The following PCCA variants were observed in gnomAD, a reference collection of about 807,000 sequenced individuals.
The protein encoded by PCCA is propionyl-CoA carboxylase alpha chain, mitochondrial.
In PCCA, 74 loss-of-function variants were observed where a neutral mutation model predicts 101.3. That is an observed-to-expected ratio of 0.73 (90% CI 0.61 to 0.89). The LOEUF is 0.89. Among genes scored for constraint, PCCA ranks in the 40% least tolerant of loss-of-function variants. PCCA has a pLI of 0.00. For synonymous variants in PCCA, 294 were observed against 313.6 expected (o/e 0.94, Z 0.66); for missense variants, 891 against 907.0 (o/e 0.98, Z 0.23).
At chr13:100,313,871 A>T (rs938090594) in intron 16 of PCCA, among the ~76,000 whole-genome samples, 2 of 152,140 alleles carry the variant, frequency 1.3e-5, no homozygotes, top group African/African-American at 4.8e-5. Context: ...CACCCAAGGA[A>T]AATTGACAGC....
chr13:100,389,252 T>G (rs1224214995), intron 19 of PCCA, among the ~76,000 whole-genome samples: 1 of 151,894 alleles, frequency 6.6e-6, no homozygotes, highest in Non-Finnish European at 1.5e-5. Context: ...CACAGGAGGT[T>G]TGGGGGAGGG....
At chr13:100,240,278 A>T (rs1010821509) in intron 8 of PCCA, among the ~76,000 whole-genome samples, 1 of 151,916 alleles carries the variant, frequency 6.6e-6, no homozygotes, top group African/African-American at 2.4e-5. Flanking sequence ...TTTTCTCTCC[A>T]GTCTTATTGT....
intron 19 of PCCA, among the ~76,000 whole-genome samples, chr13:100,413,690 A>G (rs1016677270): frequency 6.6e-6 from 1 of 152,194 alleles, no homozygotes; most frequent in East Asian, 1.9e-4. Context: ...CATTTTACAT[A>G]TGAGAAAATG....
At chr13:100,260,751 T>A (rs1467020795) in intron 9 of PCCA, among the ~76,000 whole-genome samples, 3 of 152,138 alleles carry the variant, frequency 2.0e-5, no homozygotes, top group African/African-American at 7.2e-5. Context: ...AATGATATTA[T>A]TTTAAAGTTG....
At chr13:100,245,931 A>G (rs943931740) in intron 8 of PCCA, among the ~76,000 whole-genome samples, 1 of 152,246 alleles carries the variant, frequency 6.6e-6, no homozygotes, top group Admixed American at 6.5e-5. Flanking sequence ...GAATGAAGGA[A>G]ACTGAGCCAA....
chr13:100,184,566 C>T (rs1014002315), intron 6 of PCCA, among the ~76,000 whole-genome samples: 18 of 152,196 alleles, frequency 1.2e-4, no homozygotes, highest in Middle Eastern at 6.8e-3. Flanking sequence ...CTGTAAAGGG[C>T]CAGATAATAA....
Position 100,495,065 on chromosome 13 carries a change from G to A in PCCA, c.1900-20362G>A, listed in dbSNP as rs202168925. Among the ~76,000 whole-genome samples, 7 of 151,878 alleles carry A rather than the reference G, an allele frequency of 4.6e-5. No homozygotes were observed. The East Asian group carries it at 5.8e-4, about 13-fold the overall frequency. On this transcript the variant is annotated intron_variant, in intron 21 of 23. Coordinates refer to ENST00000376285, the MANE Select transcript of PCCA (RefSeq NM_000282.4). ...GGCAGTATTGCCCCCGGGCATATTC[G>A]GCAATGTCTGGAGACATACTTGGTT... is the stretch of plus-strand genomic sequence containing the variant.
rs182839428 is a variant in PCCA, at chr13:100,433,245, G to A, written c.1845+7514G>A. ...ACCATTTTACATTCCCATTAGCAGT[G>A]CACAATAATTTCAGTTTCGTGCCAT... On this transcript the variant is annotated intron_variant, in intron 20 of 23. Coordinates refer to ENST00000376285, the MANE Select transcript of PCCA (RefSeq NM_000282.4). 8.0e-4 allele frequency among the ~76,000 whole-genome samples: 122 copies of A among 152,296 alleles called. 1 individual carries two copies. The highest frequency in any genetic ancestry group is 2.6e-3 in the African/African-American group (108 of 41,562).
intron 21 of PCCA, among the ~76,000 whole-genome samples, chr13:100,462,648 C>A (rs1252595842): frequency 1.3e-5 from 2 of 152,150 alleles, no homozygotes; most frequent in Non-Finnish European, 2.9e-5. Context: ...TCAATAAACA[C>A]AGGGAAAAGA....
intron 1 of PCCA, among the ~76,000 whole-genome samples, chr13:100,092,137 C>T (rs1234845673): frequency 1.3e-5 from 2 of 151,804 alleles, no homozygotes; most frequent in African/African-American, 4.8e-5. Context: ...TTGGCCACCT[C>T]GATCTTCTGA....
intron 2 of PCCA, among the ~76,000 whole-genome samples, chr13:100,105,158 C>G (rs1413242590): frequency 2.0e-5 from 3 of 152,150 alleles, no homozygotes; most frequent in Middle Eastern, 3.4e-3. Flanking sequence ...TCTTCTAAAT[C>G]CAGTGTATAT....
intron 21 of PCCA, among the ~76,000 whole-genome samples, chr13:100,513,198 A>G (rs1388756536): frequency 2.0e-5 from 3 of 152,352 alleles, no homozygotes; most frequent in South Asian, 2.1e-4. Flanking sequence ...GACAACATCA[A>G]AGGTAATCTT....
At chr13:100,309,940 T>G in intron 16 of PCCA, 32 bp downstream of exon 16, 8 of 1,463,970 alleles carry the variant, frequency 5.5e-6, no homozygotes, top group Non-Finnish European at 6.7e-6. Flanking sequence ...CGTTGGTTAT[T>G]GTATATGGTG....
chr13:100,181,642 C>T lies in PCCA; in HGVS notation c.468+24302C>T, dbSNP rs183182787. On this transcript the variant is annotated intron_variant, in intron 6 of 23. Transcript: ENST00000376285. ...CTCGCCATGTTACTCAGGCTGGTCT[C>T]GAACTCCTGGGCTCAAGTGATCCGC... 9.1e-4 allele frequency among the ~76,000 whole-genome samples: 136 copies of T among 150,178 alleles called. 1 individual carries two copies. Among genetic ancestry groups the T allele is most frequent in the African/African-American group, 3.1e-3 (128 of 40,900 alleles).
At chr13:100,470,367 C>T (rs1175958758) in intron 21 of PCCA, among the ~76,000 whole-genome samples, 5 of 152,132 alleles carry the variant, frequency 3.3e-5, no homozygotes, top group Admixed American at 1.3e-4. Flanking sequence ...ATGTTTATGG[C>T]GGGCACCTCT....
intron 6 of PCCA, among the ~76,000 whole-genome samples, chr13:100,163,184 AGT>A (rs2054668148): frequency 6.6e-6 from 1 of 152,146 alleles, no homozygotes; most frequent in East Asian, 1.9e-4. Context: ...CAATAGGAAA[AGT>A]CTGGGATTTG....
intron 19 of PCCA, among the ~76,000 whole-genome samples, chr13:100,412,507 A>G (rs957863169): frequency 3.3e-5 from 5 of 152,198 alleles, no homozygotes; most frequent in African/African-American, 1.2e-4. Context: ...GAGGCTAACT[A>G]TACCATTTTT....
At chr13:100,240,452 G>A (rs187558312) in intron 8 of PCCA, among the ~76,000 whole-genome samples, 24 of 151,600 alleles carry the variant, frequency 1.6e-4, no homozygotes, top group Admixed American at 1.4e-3. Context: ...CACAAAAATA[G>A]CTCCTTGCAG....
intron 19 of PCCA, among the ~76,000 whole-genome samples, chr13:100,382,564 C>T (rs1487203985): frequency 6.6e-6 from 1 of 152,134 alleles, no homozygotes; most frequent in Non-Finnish European, 1.5e-5. Flanking sequence ...CCTCCTGTCT[C>T]TATCATTGTA....
Sources: allele counts gnomAD v4.1 joint callset (sites outside exome capture counted in the v4.1 genomes callset), GRCh38; gene constraint gnomAD v4.1.1; transcripts MANE v1.5; gene names NCBI Gene and HGNC (gene_info 2026-07-23, HGNC 2026-07-21).